The following SLC12A6 variants were observed in gnomAD, a reference collection of about 807,000 sequenced individuals.
SLC12A6 encodes solute carrier family 12 member 6, also known as K-Cl cotransporter 3.
SLC12A6 carries 66 observed loss-of-function variants against 135.3 expected under a neutral mutation model. The observed-to-expected ratio is 0.49, with a 90% CI of 0.40 to 0.60. The LOEUF is 0.60. SLC12A6 is among the 20% of genes least tolerant of loss of function. The pLI is 0.00. For synonymous variants in SLC12A6, 513 were observed against 508.8 expected, an observed-to-expected ratio of 1.01 and a Z score of -0.11; for missense variants, 1,058 against 1,452.3, an observed-to-expected ratio of 0.73 and a Z score of 4.41.
rs34173980 is a variant in SLC12A6, at chr15:34,266,008, C to CTTT, written c.317-4991_317-4989dup. ...TGGGAAGCAGGGGTAATACAGAAAG[C>CTTT]TTTTTTTTTTTTTTTTTTTTTTAAG... On this transcript the variant is annotated intron_variant, in intron 3 of 25. Transcript: ENST00000354181. 2.3e-3 allele frequency among the ~76,000 whole-genome samples: 237 copies of CTTT among 102,284 alleles called. 3 individuals carry two copies. Among genetic ancestry groups the CTTT allele is most frequent in the African/African-American group, 8.2e-3 (216 of 26,480 alleles). The allele number at this position is 102,284 out of a possible 152,430, so 67.1% of individuals were successfully genotyped here. A position where few individuals can be genotyped will look rare whatever the true frequency, so the allele number is the denominator to read the frequency against.
rs538502820 is a variant in SLC12A6, at chr15:34,278,233, C to G, written c.272-2844G>C. Among the ~76,000 whole-genome samples, 4 of 152,134 alleles carry G rather than the reference C, an allele frequency of 2.6e-5. No individual in the cohort carries two copies. In the South Asian group the frequency reaches 6.2e-4, roughly 24 times the overall value. On this transcript the variant is annotated intron_variant, in intron 2 of 25. Transcript: ENST00000354181. ...CCTGAGGTCAGGAGTTCGAGACCAG[C>G]CTGACCAACATAGAGAAATGCCATC...
At chr15:34,301,965 G>C (rs1299929245) in intron 2 of SLC12A6, among the ~76,000 whole-genome samples, 1 of 152,234 alleles carries the variant, frequency 6.6e-6, no homozygotes, top group Non-Finnish European at 1.5e-5. Context: ...TTTGAGCTCA[G>C]ATTTGTATAA....
chr15:34,274,728 GC>G (rs1229629923), intron 3 of SLC12A6, among the ~76,000 whole-genome samples: 21 of 152,206 alleles, frequency 1.4e-4, no homozygotes, highest in African/African-American at 4.3e-4. Context: ...CAGGAGAATG[GC>G]ATGAACCTGG....
At chr15:34,250,806 G>T in intron 11 of SLC12A6, 77 bp from the exon 12 acceptor site, 1 of 1,388,296 alleles carries the variant, frequency 7.2e-7, no homozygotes, top group Non-Finnish European at 1.0e-6. Context: ...AAGAGTAGAA[G>T]CAAATCTAGG....
At chr15:34,270,357 T>C (rs1893830831) in intron 3 of SLC12A6, among the ~76,000 whole-genome samples, 1 of 152,134 alleles carries the variant, frequency 6.6e-6, no homozygotes, top group South Asian at 2.1e-4. Flanking sequence ...CTCAGCCTCC[T>C]AAAGTGCTGG....
At chr15:34,308,268 A>T (rs1887874221) in intron 2 of SLC12A6, among the ~76,000 whole-genome samples, 1 of 152,134 alleles carries the variant, frequency 6.6e-6, no homozygotes, top group South Asian at 2.1e-4. Context: ...TAAGTCTCTT[A>T]TTTCTATCTC....
chr15:34,308,645 A>AAAAC (rs1887920298), intron 2 of SLC12A6, among the ~76,000 whole-genome samples: 3 of 146,646 alleles, frequency 2.0e-5, no homozygotes, highest in African/African-American at 8.2e-5. Flanking sequence ...AAAAAAAAAA[A>AAAAC]AAAAAAACAA....
intron 2 of SLC12A6, among the ~76,000 whole-genome samples, chr15:34,297,097 A>G (rs954484978): frequency 2.6e-5 from 4 of 152,184 alleles, no homozygotes; most frequent in African/African-American, 9.7e-5. Context: ...ACTTTGCCAA[A>G]TATCATTTTT....
At chr15:34,299,333 A>G (rs1415303615) in intron 2 of SLC12A6, among the ~76,000 whole-genome samples, 1 of 152,244 alleles carries the variant, frequency 6.6e-6, no homozygotes, top group Non-Finnish European at 1.5e-5. Flanking sequence ...ACTGTTGGGT[A>G]TAAGCTGCCT....
intron 2 of SLC12A6, among the ~76,000 whole-genome samples, chr15:34,319,715 C>T (rs944103883): frequency 2.6e-5 from 4 of 151,646 alleles, no homozygotes; most frequent in Non-Finnish European, 4.4e-5. Flanking sequence ...AGGAGAATCC[C>T]TTGAATCCAG....
chr15:34,320,949 GGAAAA>G (rs1889047152), intron 2 of SLC12A6, among the ~76,000 whole-genome samples: 1 of 150,518 alleles, frequency 6.6e-6, no homozygotes, highest in Non-Finnish European at 1.5e-5. Context: ...ATAAAATAAA[GGAAAA>G]GAAAACCCTA....
chr15:34,256,144 C>G lies in SLC12A6; in HGVS notation c.745+85G>C, dbSNP rs1267088076. On this transcript the variant is annotated intron_variant, in intron 7 of 25. Transcript: ENST00000354181. ...AGAACAGACCAAATAGTATTCTATTCTTCAGAAGTTTGCACCTCTAGCTTT... is the reference window on the plus strand; with the variant it reads ...AGAACAGACCAAATAGTATTCTATTGTTCAGAAGTTTGCACCTCTAGCTTT... 2.0e-5 allele frequency: 17 copies of G among 853,536 alleles called. No homozygotes were observed. In the Admixed American group the frequency reaches 2.9e-4, roughly 15 times the overall value. 52.9% of individuals were successfully genotyped at this position (853,536 alleles called of 1,614,324 possible).
At chr15:34,318,556 C>G (rs1051405780) in intron 2 of SLC12A6, 2 of 1,612,164 alleles carry the variant, frequency 1.2e-6, no homozygotes, top group African/African-American at 1.3e-5. Context: ...AAGTTGCGTA[C>G]TCACCTGGTT....
chr15:34,270,934 T>C (rs1893886141), intron 3 of SLC12A6, among the ~76,000 whole-genome samples: 1 of 151,952 alleles, frequency 6.6e-6, no homozygotes, highest in Non-Finnish European at 1.5e-5. Flanking sequence ...AAGGCCCCTC[T>C]TCACAGGGCA....
intron 3 of SLC12A6, among the ~76,000 whole-genome samples, chr15:34,262,500 CT>C (rs1347020792): frequency 6.6e-6 from 1 of 152,176 alleles, no homozygotes; most frequent in African/African-American, 2.4e-5. Flanking sequence ...ACAAAGAAGG[CT>C]GTAATACTGT....
At chr15:34,286,520 C>T (rs905701635) in intron 2 of SLC12A6, among the ~76,000 whole-genome samples, 10 of 152,028 alleles carry the variant, frequency 6.6e-5, no homozygotes, top group African/African-American at 2.4e-4. Flanking sequence ...CCTGCCCGGG[C>T]ACAGTGGCTC....
chr15:34,278,722 C>G (rs1432035595), intron 2 of SLC12A6, among the ~76,000 whole-genome samples: 1 of 151,822 alleles, frequency 6.6e-6, no homozygotes, highest in Non-Finnish European at 1.5e-5. Flanking sequence ...AGGTGCCCAC[C>G]ACCACGCCCA....
chr15:34,290,849 T>G (rs188381816), intron 2 of SLC12A6, among the ~76,000 whole-genome samples: 236 of 152,302 alleles, frequency 1.5e-3, no homozygotes, highest in African/African-American at 5.5e-3. Flanking sequence ...TCTTCCTCCA[T>G]CCCTTTATTT....
At chr15:34,297,144 C>A (rs1303911251) in intron 2 of SLC12A6, among the ~76,000 whole-genome samples, 1 of 152,150 alleles carries the variant, frequency 6.6e-6, no homozygotes, top group Non-Finnish European at 1.5e-5. Context: ...AAAATCTCTT[C>A]AAATGTTGCT....
Sources: allele counts gnomAD v4.1 joint callset (sites outside exome capture counted in the v4.1 genomes callset), GRCh38; gene constraint gnomAD v4.1.1; transcripts MANE v1.5; gene names NCBI Gene and HGNC (gene_info 2026-07-23, HGNC 2026-07-21).